The following PLXNA1 variants were observed in gnomAD, a reference collection of about 807,000 sequenced individuals.
PLXNA1 encodes the protein plexin-A1.
In PLXNA1, 77 loss-of-function variants were observed where a neutral mutation model predicts 191.7. The observed-to-expected ratio is 0.40, with a 90% CI of 0.33 to 0.49. The LOEUF is 0.49. PLXNA1 is among the 20% of genes least tolerant of loss of function. The pLI is 0.63. For missense variants in PLXNA1, 2,110 were observed against 2,660.2 expected (o/e 0.79, Z 4.55); for synonymous variants, 1,137 against 1,156.4 (o/e 0.98, Z 0.34).
chr3:127,016,011 T>A (rs751745650), intron 15 of PLXNA1, among the ~76,000 whole-genome samples: 5 of 151,944 alleles, frequency 3.3e-5, no homozygotes, highest in Non-Finnish European at 5.9e-5. Flanking sequence ...GGTGCTGGGC[T>A]CCCAGCACTC....
chr3:126,993,172 C>G (rs181886632), intron 3 of PLXNA1, among the ~76,000 whole-genome samples: 12 of 152,284 alleles, frequency 7.9e-5, no homozygotes, highest in Admixed American at 7.8e-4. Context: ...GGCCTGTCTC[C>G]CCTGCCTCCT....
At chr3:127,003,555 G>A (rs2079051453) in intron 4 of PLXNA1, 85 bp downstream of exon 4, 2 of 1,430,758 alleles carry the variant, frequency 1.4e-6, no homozygotes, top group Non-Finnish European at 1.9e-6. Context: ...TAGGGGTGGG[G>A]CCACATCACA....
intron 23 of PLXNA1, among the ~76,000 whole-genome samples, chr3:127,025,752 G>A (rs1182013283): frequency 1.3e-5 from 2 of 152,188 alleles, no homozygotes; most frequent in African/African-American, 2.4e-5. Context: ...AAGCAATCCA[G>A]GTGTCCATCG....
In PLXNA1 at chr3:126,988,904, G is replaced by A. The variant is rs1265215485; in HGVS notation, c.311G>A (p.Cys104Tyr). Residue 104 changes from cysteine (C) to tyrosine (Y), a missense_variant, in exon 2 of 32, where the codon TGC (cysteine) becomes TAC (tyrosine). By Grantham distance (194) the Cys-to-Tyr change is radical. Around this residue, in one of 4 missense-constraint regions of PLXNA1, gnomAD observed 903 missense variants for 1,015.7 expected, o/e 0.89. Coordinates refer to ENST00000393409, the MANE Select transcript of PLXNA1 (RefSeq NM_032242.4). ...TACCCGCCGCCCAGCGTGCAGTCCT[G>A]CCCCCACGGCCTGGGCAGTACTGAC... is the stretch of plus-strand genomic sequence containing the variant. Reference protein sequence around the residue: ...KCYPPPSVQSCPHGLGSTDNV... With the variant: ...KCYPPPSVQSYPHGLGSTDNV... 1 of 1,613,244 alleles carries A rather than the reference G, an allele frequency of 6.2e-7. No homozygotes were observed.
At chr3:126,995,265 G>A (rs1653338063) in intron 3 of PLXNA1, among the ~76,000 whole-genome samples, 1 of 152,190 alleles carries the variant, frequency 6.6e-6, no homozygotes, top group Non-Finnish European at 1.5e-5. Flanking sequence ...TCCCCCTGGG[G>A]TGCCTCTCTC....
intron 14 of PLXNA1, 85 bp downstream of exon 14, chr3:127,014,916 C>T: frequency 2.0e-6 from 3 of 1,532,340 alleles, no homozygotes; most frequent in Admixed American, 3.8e-5. Flanking sequence ...TTCAGGGCCC[C>T]TTGTCTGGCC....
chr3:127,020,591 G>A (rs559051220), intron 21 of PLXNA1, among the ~76,000 whole-genome samples: 102 of 152,314 alleles, frequency 6.7e-4, no homozygotes, highest in Non-Finnish European at 1.3e-3. Flanking sequence ...GCACGGCTCT[G>A]CTCCATAAAG....
At chr3:127,015,070 G>A (rs559893941) in intron 14 of PLXNA1, 114 bp from the exon 15 acceptor site, 200 of 1,452,194 alleles carry the variant, frequency 1.4e-4, no homozygotes, top group Non-Finnish European at 1.8e-4. Context: ...CCGGGCATGC[G>A]GGCTCCTAGT....
intron 3 of PLXNA1, among the ~76,000 whole-genome samples, chr3:126,992,876 C>T (rs767039077): frequency 8.5e-5 from 13 of 152,176 alleles, no homozygotes; most frequent in Non-Finnish European, 1.5e-4. Context: ...GCCTGCACTC[C>T]CTCTCCTCAC....
intron 21 of PLXNA1, among the ~76,000 whole-genome samples, chr3:127,021,162 C>T (rs553475097): frequency 3.3e-4 from 50 of 152,210 alleles, no homozygotes; most frequent in African/African-American, 1.2e-3. Context: ...ACTGAGCAGA[C>T]CTTCCCGCCT....
intron 1 of PLXNA1, among the ~76,000 whole-genome samples, chr3:126,985,991 G>A (rs1467545239): frequency 6.6e-6 from 1 of 152,256 alleles, no homozygotes; most frequent in East Asian, 1.9e-4. Context: ...GGGCAGTGGG[G>A]TGAGGGTGGA....
In PLXNA1 at chr3:127,028,962, G is replaced by A. The variant is rs889541269; in HGVS notation, c.4670-31G>A. 1.0e-5 allele frequency: 16 copies of A among 1,572,708 alleles called. 1 individual carries two copies. In the African/African-American group the frequency reaches 1.5e-4, roughly 15 times the overall value. The stretch of plus-strand genomic sequence containing the variant: ...TGGAGGAGGGAAAGAGGGCCCCAGC[G>A]GCCCCACCCTCCAGCTCCCTCCTCC... On this transcript the variant is annotated intron_variant, in intron 25 of 31. Transcript: ENST00000393409.
In PLXNA1 at chr3:127,007,798, G is replaced by A; in HGVS notation, c.1998-1G>A. 4 of 1,607,542 alleles carry A rather than the reference G, an allele frequency of 2.5e-6. No homozygotes were observed. The highest frequency in any genetic ancestry group is 3.4e-6 in the Non-Finnish European group (4 of 1,175,464). On this transcript the variant is annotated splice_acceptor_variant, in intron 8 of 31. Transcript: ENST00000393409. LOFTEE classifies it high-confidence loss of function. ...CTTCAGCACCCACCCTCTCCCTGCA[G>A]CTGCCTGTCCTGTGTCAACGGCTCC...
intron 19 of PLXNA1, 114 bp downstream of exon 19, chr3:127,018,006 AG>A: frequency 1.4e-6 from 2 of 1,413,552 alleles, no homozygotes; most frequent in South Asian, 2.7e-5. Context: ...CCTAGCTCAG[AG>A]GGCGCCCGGC....
Position 126,988,634 on chromosome 3 carries a change from T to C in PLXNA1, c.41T>C (p.Leu14Pro). ...CGGAGCCTGCAGGTGCTCCTGCTGC[T>C]GCTGCTGTTGCTGCTGCTGCTGCCG... ...PPRSLQVLLL[L>P]LLLLLLLPGM... The change falls in exon 2 of 32, where the codon CTG becomes CCG. Residue 14 changes from leucine (L) to proline (P), a missense_variant. Coordinates refer to ENST00000393409, the MANE Select transcript of PLXNA1 (RefSeq NM_032242.4). The C allele has an allele frequency of 1.1e-5, 18 of 1,574,974 alleles. No individual in the cohort carries two copies. The highest frequency in any genetic ancestry group is 1.5e-5 in the Non-Finnish European group (17 of 1,160,926).
intron 3 of PLXNA1, 101 bp from the exon 4 acceptor site, chr3:127,003,229 C>A (rs914538772): frequency 5.3e-6 from 7 of 1,323,916 alleles, no homozygotes; most frequent in Non-Finnish European, 7.1e-6. Context: ...CATGTCTGGG[C>A]AGCTCAGGGA....
chr3:126,988,695 C>G lies in PLXNA1; in HGVS notation c.102C>G (p.Gly34=). ...CTGAGGCAGGCTTGCCCAGGGCAGG[C>G]GGGGGTTCACAGCCCCCCTTCCGCA... ...MWAEAGLPRA[G]GGSQPPFRTF... is the part of the protein sequence containing the mutation. The change falls in exon 2 of 32, where the codon GGC becomes GGG. Residue 34 remains glycine (G), a synonymous_variant. Coordinates refer to ENST00000393409, the MANE Select transcript of PLXNA1 (RefSeq NM_032242.4). 6.4e-7 allele frequency: 1 copy of G among 1,574,316 alleles called. No individual in the cohort carries two copies.
intron 3 of PLXNA1, among the ~76,000 whole-genome samples, chr3:127,002,504 A>G (rs2079045940): frequency 6.6e-6 from 1 of 152,134 alleles, no homozygotes; most frequent in Non-Finnish European, 1.5e-5. Flanking sequence ...GAGGAGGGGT[A>G]CTGAGTCTGG....
At chr3:127,015,363 C>G in intron 15 of PLXNA1, 43 bp downstream of exon 15, 1 of 1,578,762 alleles carries the variant, frequency 6.3e-7, no homozygotes, top group South Asian at 1.1e-5. Context: ...TGCCCCTCCT[C>G]CTGTTTCAGA....
Sources: gnomAD v4.1 joint callset for allele counts (sites outside exome capture counted in the v4.1 genomes callset) on GRCh38, gnomAD v4.1.1 for gene constraint, gnomAD v4.1.1 regional missense constraint, MANE v1.5 for transcripts, NCBI Gene and HGNC (gene_info 2026-07-23, HGNC 2026-07-21) for gene names.